PSEN1: variants seen among roughly 807,000 people sequenced by gnomAD.
PSEN1 encodes presenilin-1.
In PSEN1, 15 loss-of-function variants were observed where a neutral mutation model predicts 53.5. The ratio of observed to expected loss-of-function variants is 0.28; its 90% CI spans 0.19 to 0.43. The LOEUF (loss-of-function observed/expected upper bound fraction) is 0.43, where lower values mean the gene tolerates loss of function less well. PSEN1 is among the 20% of genes least tolerant of loss of function. The pLI is 1.00. For synonymous variants in PSEN1, 208 were observed against 209.8 expected (o/e 0.99, Z 0.08); for missense variants, 387 against 571.2 (o/e 0.68, Z 3.29).
chr14:73,181,258 G>A (rs921357366), intron 5 of PSEN1, among the ~76,000 whole-genome samples: 5 of 152,140 alleles, frequency 3.3e-5, no homozygotes, highest in African/African-American at 1.2e-4. Flanking sequence ...TGACCAACAT[G>A]GAGAAATCCT....
At chr14:73,198,326 T>C (rs1251636046) in intron 8 of PSEN1, among the ~76,000 whole-genome samples, 197 bp downstream of exon 8, 1 of 152,236 alleles carries the variant, frequency 6.6e-6, no homozygotes, top group Non-Finnish European at 1.5e-5. Context: ...GTTTTCAATA[T>C]GAATAGAAAG....
intron 3 of PSEN1, among the ~76,000 whole-genome samples, chr14:73,151,894 A>ATTT (rs56754992): frequency 7.7e-5 from 3 of 38,978 alleles, no homozygotes; most frequent in Non-Finnish European, 8.1e-5. Context: ...ATATATATAT[A>ATTT]TTTTTTTTTT....
intron 5 of PSEN1, among the ~76,000 whole-genome samples, chr14:73,180,073 C>G (rs1204466936): frequency 6.6e-6 from 1 of 152,238 alleles, no homozygotes; most frequent in South Asian, 2.1e-4. Flanking sequence ...CAACCTCCGC[C>G]TCCTGGGTTC....
Position 73,189,386 on chromosome 14 carries a change from G to T in PSEN1, c.548+2466G>T, listed in dbSNP as rs1595029709. 2.0e-5 allele frequency among the ~76,000 whole-genome samples: 3 copies of T among 152,208 alleles called. No homozygotes were observed. In the South Asian group the frequency reaches 6.2e-4, roughly 32 times the overall value. On this transcript the variant is annotated intron_variant, in intron 6 of 11. Transcript: ENST00000324501. ...AGCACTTTGGGAGGCCGAGGCGGGTGGTTCACCTGAGGTTAGGAGTTTGAG... is the reference window on the plus strand; with the variant it reads ...AGCACTTTGGGAGGCCGAGGCGGGTTGTTCACCTGAGGTTAGGAGTTTGAG...
chr14:73,172,801 G>T (rs1442077891), intron 4 of PSEN1, among the ~76,000 whole-genome samples: 3 of 152,192 alleles, frequency 2.0e-5, no homozygotes, highest in Non-Finnish European at 2.9e-5. Context: ...CGTTCATCAA[G>T]GACTCAATCT....
chr14:73,183,635 A>C lies in PSEN1; in HGVS notation c.481-3218A>C, dbSNP rs548113870. ...GGGGGTAAGGTCACAGATCAACAGG[A>C]TCCCAAGGCAGAAGAAGTTTTCTTA... On this transcript the variant is annotated intron_variant, in intron 5 of 11. Transcript: ENST00000324501. 5.3e-5 allele frequency among the ~76,000 whole-genome samples: 8 copies of C among 152,232 alleles called. No homozygotes were observed. The East Asian group carries it at 1.5e-3, about 29-fold the overall frequency.
chr14:73,146,947 A>G (rs1395148917), intron 1 of PSEN1, among the ~76,000 whole-genome samples: 1 of 152,028 alleles, frequency 6.6e-6, no homozygotes, highest in Non-Finnish European at 1.5e-5. Flanking sequence ...TGGCCCCCCT[A>G]GGAGGGTGAA....
chr14:73,185,898 G>A (rs972424100), intron 5 of PSEN1, among the ~76,000 whole-genome samples: 1 of 152,140 alleles, frequency 6.6e-6, no homozygotes, highest in African/African-American at 2.4e-5. Flanking sequence ...TAATGGATGA[G>A]GAGCTAGACA....
chr14:73,149,802 C>A lies in PSEN1; in HGVS notation c.87+1696C>A, dbSNP rs118144727. On this transcript the variant is annotated intron_variant, in intron 3 of 11. Transcript: ENST00000324501. ...ATTAGTTGACATTGTTGTTTAACTT[C>A]GAGTACTATTACAGTTCTATATTGT... Among the ~76,000 whole-genome samples the A allele has an allele frequency of 9.8e-3, 1,494 of 152,252 alleles. 17 individuals carry two copies. The highest frequency in any genetic ancestry group is 0.015 in the Non-Finnish European group (1,007 of 68,018).
intron 5 of PSEN1, among the ~76,000 whole-genome samples, chr14:73,178,219 CT>C (rs34023728): frequency 0.019 from 2,438 of 127,958 alleles, 55 homozygotes; most frequent in African/African-American, 0.061. Context: ...ACACCCGGCC[CT>C]TTTTTTTTTT....
intron 1 of PSEN1, among the ~76,000 whole-genome samples, chr14:73,139,035 G>C (rs1319685940): frequency 2.0e-5 from 3 of 151,964 alleles, no homozygotes; most frequent in African/African-American, 4.8e-5. Flanking sequence ...TGTAAACCCA[G>C]CACTTTGGGA....
chr14:73,161,143 T>C (rs1897523986), intron 3 of PSEN1, among the ~76,000 whole-genome samples: 1 of 151,752 alleles, frequency 6.6e-6, no homozygotes, highest in Admixed American at 6.6e-5. Context: ...CCCACCTAAT[T>C]TTTGTATTTT....
chr14:73,143,680 CA>C (rs1221436505), intron 1 of PSEN1, among the ~76,000 whole-genome samples: 1 of 152,084 alleles, frequency 6.6e-6, no homozygotes, highest in Non-Finnish European at 1.5e-5. Context: ...AATAACCGAA[CA>C]GATCCTGTTA....
chr14:73,192,122 A>AT (rs1340584421), intron 6 of PSEN1, among the ~76,000 whole-genome samples: 1 of 152,036 alleles, frequency 6.6e-6, no homozygotes, highest in Admixed American at 6.6e-5. Flanking sequence ...AAAAAAGTGA[A>AT]TTGTTCAACT....
At chr14:73,212,444 T>C (rs1426084808) in intron 10 of PSEN1, among the ~76,000 whole-genome samples, 1 of 152,154 alleles carries the variant, frequency 6.6e-6, no homozygotes, top group Non-Finnish European at 1.5e-5. Context: ...TTTTACAGCC[T>C]GACCTTTTGG....
intron 3 of PSEN1, among the ~76,000 whole-genome samples, chr14:73,158,911 A>T (rs538895089): frequency 3.9e-5 from 6 of 152,326 alleles, no homozygotes; most frequent in African/African-American, 1.4e-4. Flanking sequence ...TCTTATAAAA[A>T]GGTATATAGT....
intron 8 of PSEN1, among the ~76,000 whole-genome samples, chr14:73,205,603 G>A (rs983810235): frequency 6.6e-6 from 1 of 152,200 alleles, no homozygotes; most frequent in African/African-American, 2.4e-5. Flanking sequence ...GTTATTGTTG[G>A]TGTATCTTCA....
intron 3 of PSEN1, among the ~76,000 whole-genome samples, chr14:73,164,924 T>C (rs1897662611): frequency 6.6e-6 from 1 of 152,226 alleles, no homozygotes; most frequent in African/African-American, 2.4e-5. Context: ...GCCATTTTTG[T>C]CTCTAACCAA....
chr14:73,160,700 G>A (rs983912840), intron 3 of PSEN1, among the ~76,000 whole-genome samples: 3 of 149,882 alleles, frequency 2.0e-5, no homozygotes, highest in Non-Finnish European at 4.4e-5. Flanking sequence ...TCATGTGCTT[G>A]TTGGCTATTT....
Sources: allele counts gnomAD v4.1 joint callset (sites outside exome capture counted in the v4.1 genomes callset), GRCh38; gene constraint gnomAD v4.1.1; transcripts MANE v1.5; gene names NCBI Gene and HGNC (gene_info 2026-07-23, HGNC 2026-07-21).